Variants in HPSE2 observed in about 807,000 individuals in gnomAD.
HPSE2 encodes the protein heparanase 2 (inactive).
Under a neutral mutation model 60.5 loss-of-function variants are expected in HPSE2, and 38 were observed. The ratio of observed to expected loss-of-function variants is 0.63; its 90% CI spans 0.48 to 0.82. The LOEUF (loss-of-function observed/expected upper bound fraction) is 0.82. Among genes scored for constraint, HPSE2 ranks in the 40% least tolerant of loss-of-function variants. The probability of loss-of-function intolerance (pLI) is 0.00; values close to 1 mark genes in which losing one functional copy is unlikely to be tolerated. For synonymous variants in HPSE2, 295 were observed against 293.2 expected (o/e 1.01, Z -0.06); for missense variants, 713 against 740.4 (o/e 0.96, Z 0.43).
At chr10:99,198,677 G>A (rs1229582769) in intron 2 of HPSE2, among the ~76,000 whole-genome samples, 2 of 152,060 alleles carry the variant, frequency 1.3e-5, no homozygotes, top group African/African-American at 4.8e-5. Flanking sequence ...AGGCTATGAT[G>A]GAAATTTTTT....
intron 3 of HPSE2, chr10:99,048,320 A>T: frequency 2.5e-6 from 1 of 407,932 alleles, no homozygotes; most frequent in South Asian, 2.2e-5. Flanking sequence ...CACCCATTTT[A>T]TTTTTCTAAG....
At chr10:98,771,839 G>A (rs1269572459) in intron 3 of HPSE2, among the ~76,000 whole-genome samples, 1 of 152,184 alleles carries the variant, frequency 6.6e-6, no homozygotes, top group African/African-American at 2.4e-5. Context: ...CAACGTAGAA[G>A]TACCTGAGTT....
chr10:98,635,266 T>C (rs1417655750), intron 7 of HPSE2, among the ~76,000 whole-genome samples: 1 of 152,204 alleles, frequency 6.6e-6, no homozygotes, highest in Admixed American at 6.5e-5. Context: ...AAGAGAACTG[T>C]TACATACTGT....
chr10:99,052,733 G>C (rs1958019342), intron 3 of HPSE2, among the ~76,000 whole-genome samples: 1 of 151,904 alleles, frequency 6.6e-6, no homozygotes, highest in Non-Finnish European at 1.5e-5. Flanking sequence ...TCACTGTAAA[G>C]AAGAAAAGGC....
intron 3 of HPSE2, among the ~76,000 whole-genome samples, chr10:99,019,365 T>C (rs1271842030): frequency 1.3e-5 from 2 of 152,188 alleles, no homozygotes; most frequent in African/African-American, 4.8e-5. Flanking sequence ...CATCTCACTA[T>C]ATGGGAGTTA....
intron 3 of HPSE2, among the ~76,000 whole-genome samples, chr10:99,001,807 A>G (rs1268508803): frequency 6.6e-6 from 1 of 152,134 alleles, no homozygotes. Flanking sequence ...CCTAGAAATT[A>G]TAATCCATCA....
At chr10:98,585,139 T>C (rs1428797920) in intron 9 of HPSE2, among the ~76,000 whole-genome samples, 3 of 152,188 alleles carry the variant, frequency 2.0e-5, no homozygotes, top group African/African-American at 7.2e-5. Flanking sequence ...GGCTAAGCCA[T>C]GACCAGGATG....
In HPSE2 at chr10:99,124,000, T is replaced by A. The variant is rs145876885; in HGVS notation, c.610+20238A>T. ...GGAGACCCAGAGTGGGTAGCTCCTATCCGTAGGCAGGTTGTCCTGACGTCT... is the reference window on the plus strand; with the variant it reads ...GGAGACCCAGAGTGGGTAGCTCCTAACCGTAGGCAGGTTGTCCTGACGTCT... On this transcript the variant is annotated intron_variant, in intron 3 of 11. Transcript: ENST00000370552. Among the ~76,000 whole-genome samples the A allele has an allele frequency of 9.1e-3, 1,391 of 152,248 alleles. 17 individuals carry two copies. Among genetic ancestry groups the A allele is most frequent in the African/African-American group, 0.031 (1,298 of 41,546 alleles).
chr10:98,642,382 A>G (rs1946661539), intron 6 of HPSE2, among the ~76,000 whole-genome samples: 3 of 152,234 alleles, frequency 2.0e-5, no homozygotes, highest in African/African-American at 7.2e-5. Flanking sequence ...TCTTTAAATA[A>G]GAAAATAAAC....
chr10:98,671,591 T>C (rs1472936005), intron 6 of HPSE2, among the ~76,000 whole-genome samples: 2 of 152,232 alleles, frequency 1.3e-5, no homozygotes, highest in African/African-American at 4.8e-5. Context: ...TTCAGTTTGC[T>C]AATACACTTT....
intron 3 of HPSE2, among the ~76,000 whole-genome samples, chr10:99,002,355 C>T (rs1001429084): frequency 2.6e-5 from 4 of 151,994 alleles, no homozygotes; most frequent in African/African-American, 9.7e-5. Flanking sequence ...TGACTTCCTT[C>T]CAAAAACTAC....
At chr10:99,241,748 G>C in the HPSE2 span, among the ~76,000 whole-genome samples, 1 of 152,106 alleles carries the variant, frequency 6.6e-6, no homozygotes, top group African/African-American at 2.4e-5. Context: ...GTAACAGAAC[G>C]AGACCTTATC....
rs1845172919 is a variant in HPSE2 at position 99,126,580 on chromosome 10, C to G, written c.610+17658G>C. Among the ~76,000 whole-genome samples, 1 of 152,268 alleles carries G rather than the reference C, an allele frequency of 6.6e-6. No individual in the cohort carries two copies. Among genetic ancestry groups the G allele is most frequent in the South Asian group, 2.1e-4 (1 of 4,806 alleles). On this transcript the variant is annotated intron_variant, in intron 3 of 11. Transcript: ENST00000370552. This position sits in a 1 kb window ranked among gnomAD's most constrained non-coding sequence, Gnocchi z 4.0. ...AACTCATGACAGAATAACCCTGCTC[C>G]CCCAAGAATAAGGAAACAACAGGTA...
At chr10:99,275,182 G>C in the HPSE2 span, among the ~76,000 whole-genome samples, 2 of 152,180 alleles carry the variant, frequency 1.3e-5, no homozygotes, top group East Asian at 3.9e-4. Flanking sequence ...AAAAGGTAAT[G>C]GCTGTTAGAG....
At chr10:98,533,654 A>G (rs1263299248) in intron 9 of HPSE2, among the ~76,000 whole-genome samples, 1 of 152,208 alleles carries the variant, frequency 6.6e-6, no homozygotes, top group African/African-American at 2.4e-5. Context: ...GCTGAGGAAG[A>G]CTATTTCCTG....
At chr10:99,305,979 G>GCGCGCGCGCA in the HPSE2 span, among the ~76,000 whole-genome samples, 23 of 80,582 alleles carry the variant, frequency 2.9e-4, no homozygotes, top group African/African-American at 5.9e-4. Flanking sequence ...GCGCGCGCGC[G>GCGCGCGCGCA]CACACACACA....
At chr10:99,072,696 C>G (rs1044816314) in intron 3 of HPSE2, among the ~76,000 whole-genome samples, 2 of 151,910 alleles carry the variant, frequency 1.3e-5, no homozygotes, top group Admixed American at 6.6e-5. Flanking sequence ...GAGGCCAAGG[C>G]GGGTGGATAA....
intron 3 of HPSE2, among the ~76,000 whole-genome samples, chr10:98,779,147 G>C (rs545298293): frequency 6.6e-6 from 1 of 152,262 alleles, no homozygotes; most frequent in Admixed American, 6.5e-5. Context: ...GTGAATCTAT[G>C]TAAATGTAGC....
At chr10:98,501,535 T>C (rs1056421848) in intron 9 of HPSE2, among the ~76,000 whole-genome samples, 4 of 152,188 alleles carry the variant, frequency 2.6e-5, no homozygotes, top group African/African-American at 7.2e-5. Flanking sequence ...AAAATCAGTA[T>C]ACAAGGGACA....
Sources: allele counts gnomAD v4.1 joint callset (sites outside exome capture counted in the v4.1 genomes callset), GRCh38; gene constraint gnomAD v4.1.1; non-coding constraint Gnocchi (gnomAD v3.1); transcripts MANE v1.5; gene names NCBI Gene and HGNC (gene_info 2026-07-23, HGNC 2026-07-21).